KIAA0825: variants seen among roughly 807,000 people sequenced by gnomAD.
The protein encoded by KIAA0825 is uncharacterized protein KIAA0825.
In KIAA0825, 119 loss-of-function variants were observed where a neutral mutation model predicts 147.6. The observed-to-expected ratio is 0.81, with a 90% CI of 0.69 to 0.94. The LOEUF (loss-of-function observed/expected upper bound fraction) is 0.94, where lower values mean the gene tolerates loss of function less well. Ranked by LOEUF, KIAA0825 falls within the 40% of genes least tolerant of loss-of-function variation. The pLI, the probability that KIAA0825 is intolerant of heterozygous loss-of-function variation, is 0.00. For missense variants in KIAA0825, 1,381 were observed against 1,472.7 expected (o/e 0.94, Z 1.02); for synonymous variants, 470 against 518.1 (o/e 0.91, Z 1.26).
At chr5:94,496,464 G>C (rs1232274958) in intron 5 of KIAA0825, among the ~76,000 whole-genome samples, 1 of 152,156 alleles carries the variant, frequency 6.6e-6, no homozygotes, top group Non-Finnish European at 1.5e-5. Flanking sequence ...ATGCAAAACA[G>C]AGAACAGTTA....
In KIAA0825 at chr5:94,151,423, C is replaced by CAAAA. The variant is rs11363132; in HGVS notation, c.*2580_*2583dup. On this transcript the variant is annotated 3_prime_UTR_variant, in exon 21 of 21. Coordinates refer to ENST00000682413, the MANE Select transcript of KIAA0825 (RefSeq NM_001145678.3). ...TGGGCGACAGAGCGAGACTCCGTCT[C>CAAAA]AAAAAAAAAAAAAAAAAAAAAAAAA... Among the ~76,000 whole-genome samples, 7 of 21,544 alleles carry CAAAA rather than the reference C, an allele frequency of 3.2e-4. No individual in the cohort carries two copies. Among genetic ancestry groups the CAAAA allele is most frequent in the African/African-American group, 4.6e-4 (3 of 6,468 alleles). The allele number at this position is 21,544 out of a possible 152,430, so 14.1% of individuals were successfully genotyped here. A position where few individuals can be genotyped will look rare whatever the true frequency, so the allele number is the denominator to read the frequency against.
In KIAA0825 at chr5:94,151,535, T is replaced by C. The variant is rs1020601127; in HGVS notation, c.*2472A>G. ...TCAATTATAAACTTTATTGCACTTATGGCTATAATAATTTCACTGAACAAG... is the reference window on the plus strand; with the variant it reads ...TCAATTATAAACTTTATTGCACTTACGGCTATAATAATTTCACTGAACAAG... On this transcript the variant is annotated 3_prime_UTR_variant, in exon 21 of 21. Transcript: ENST00000682413. Among the ~76,000 whole-genome samples the C allele has an allele frequency of 2.6e-5, 4 of 151,620 alleles. No individual in the cohort carries two copies. The highest frequency in any genetic ancestry group is 9.7e-5 in the African/African-American group (4 of 41,282).
Position 94,520,900 on chromosome 5 carries a change from A to G in KIAA0825, c.318T>C (p.Asn106=). Residue 106 remains asparagine (N), a synonymous_variant, in exon 5 of 21, where the codon AAT becomes AAC. Coordinates refer to ENST00000682413, the MANE Select transcript of KIAA0825 (RefSeq NM_001145678.3). ...FFKTLQDLLK[N]EQNQEEMTLD... is the part of the protein sequence containing the mutation. Reference sequence around the variant, plus strand: ...ATGTCATTTCTTCTTGATTTTGTTCATTCTTCAACAAATCTTGCTAATGAA... The same window carrying G: ...ATGTCATTTCTTCTTGATTTTGTTCGTTCTTCAACAAATCTTGCTAATGAA... 1 of 1,592,712 alleles carries G rather than the reference A, an allele frequency of 6.3e-7. No homozygotes were observed. The highest frequency in any genetic ancestry group is 1.1e-5 in the South Asian group (1 of 89,606).
chr5:94,339,295 A>G (rs953730211), intron 20 of KIAA0825, among the ~76,000 whole-genome samples: 1 of 152,120 alleles, frequency 6.6e-6, no homozygotes, highest in African/African-American at 2.4e-5. Flanking sequence ...TTTAATTCCT[A>G]TGAATATTTT....
intron 1 of KIAA0825, among the ~76,000 whole-genome samples, chr5:94,608,964 A>T (rs1737656707): frequency 6.6e-6 from 1 of 152,172 alleles, no homozygotes; most frequent in South Asian, 2.1e-4. Context: ...ATATTATGTA[A>T]CAGAATTATG....
Position 94,154,738 on chromosome 5 carries a change from G to A in KIAA0825, c.3711-614C>T, listed in dbSNP as rs145506417. ...TAATTCTGGATGATTAAGCGATACA[G>A]AATAAAATCTTAGACTCTCAACCTA... On this transcript the variant is annotated intron_variant, in intron 20 of 20. Transcript: ENST00000682413. Among the ~76,000 whole-genome samples, 225 of 152,290 alleles carry A rather than the reference G, an allele frequency of 1.5e-3. 1 individual carries two copies. Among genetic ancestry groups the A allele is most frequent in the African/African-American group, 4.9e-3 (204 of 41,562 alleles).
chr5:94,184,194 G>A (rs1769914840), intron 20 of KIAA0825, among the ~76,000 whole-genome samples: 1 of 152,240 alleles, frequency 6.6e-6, no homozygotes, highest in South Asian at 2.1e-4. Flanking sequence ...GTAGAGAAAC[G>A]ATTTTCCTAG....
intron 20 of KIAA0825, among the ~76,000 whole-genome samples, chr5:94,254,853 A>G (rs1336038199): frequency 6.6e-6 from 1 of 152,050 alleles, no homozygotes; most frequent in Non-Finnish European, 1.5e-5. Context: ...AGACACAGTA[A>G]TATGTCACTA....
intron 6 of KIAA0825, among the ~76,000 whole-genome samples, chr5:94,480,059 T>C (rs1242766163): frequency 1.3e-5 from 2 of 152,118 alleles, no homozygotes; most frequent in African/African-American, 4.8e-5. Flanking sequence ...TTTCTGATCA[T>C]GCCTGTTTAT....
At chr5:94,530,252 C>T (rs1489103103) in intron 3 of KIAA0825, among the ~76,000 whole-genome samples, 2 of 108,088 alleles carry the variant, frequency 1.9e-5, no homozygotes, top group East Asian at 2.7e-4. Context: ...GCCTGGGCAA[C>T]GAGAGTAAAA....
chr5:94,160,423 T>G (rs1334364387), intron 20 of KIAA0825, among the ~76,000 whole-genome samples: 1 of 150,098 alleles, frequency 6.7e-6, no homozygotes, highest in Admixed American at 6.7e-5. Flanking sequence ...AGTATACATA[T>G]GTATACAGTA....
rs1433793562 is a variant in KIAA0825 at position 94,396,137 on chromosome 5, C to T, written c.3260G>A (p.Arg1087His). Residue 1087 changes from arginine (R) to histidine (H), a missense_variant, in exon 17 of 21, where the codon CGT becomes CAT. By Grantham distance (29) the Arg-to-His change is conservative (BLOSUM62 0). Transcript: ENST00000682413. The stretch of plus-strand genomic sequence containing the variant: ...CAGTTTCCTTGCTTTCAACAATTGA[C>T]GTTCAATCCAGTTGGGCTTCTGCTG... ...IEQQKPNWIE[R>H]QLLKARKLST... The T allele has an allele frequency of 6.6e-6, 10 of 1,508,378 alleles. No individual in the cohort carries two copies. Among genetic ancestry groups the T allele is most frequent in the Non-Finnish European group, 8.9e-6 (10 of 1,129,334 alleles). The allele number at this position is 1,508,378 out of a possible 1,614,324, so 93.4% of individuals were successfully genotyped here.
intron 20 of KIAA0825, among the ~76,000 whole-genome samples, chr5:94,373,765 T>A (rs934054719): frequency 2.6e-5 from 4 of 152,172 alleles, no homozygotes; most frequent in Non-Finnish European, 4.4e-5. Context: ...CTACATAAAA[T>A]GAAGAATATT....
chr5:94,365,329 T>TA (rs1340799484), intron 20 of KIAA0825, among the ~76,000 whole-genome samples: 1 of 152,182 alleles, frequency 6.6e-6, no homozygotes, highest in Non-Finnish European at 1.5e-5. Context: ...CCCGAGTATT[T>TA]ACCCCAGACA....
At chr5:94,444,126 T>C (rs1562502467) in intron 13 of KIAA0825, among the ~76,000 whole-genome samples, 2 of 152,102 alleles carry the variant, frequency 1.3e-5, no homozygotes, top group African/African-American at 4.8e-5. Context: ...CCACCAAAGA[T>C]TGTGATAATC....
chr5:94,186,231 TGTGA>T (rs1275817533), intron 20 of KIAA0825, among the ~76,000 whole-genome samples: 1 of 152,210 alleles, frequency 6.6e-6, no homozygotes, highest in Non-Finnish European at 1.5e-5. Flanking sequence ...GTTAAGGAAT[TGTGA>T]GTATTTTATT....
chr5:94,602,588 G>A (rs1786698820), intron 1 of KIAA0825, among the ~76,000 whole-genome samples: 3 of 152,122 alleles, frequency 2.0e-5, no homozygotes, highest in African/African-American at 7.2e-5. Context: ...TCTCATGATA[G>A]TGAGTGAGTT....
At chr5:94,369,825 GAATC>G (rs775745069) in intron 20 of KIAA0825, among the ~76,000 whole-genome samples, 2 of 152,086 alleles carry the variant, frequency 1.3e-5, no homozygotes, top group Non-Finnish European at 2.9e-5. Context: ...AGGGGAAAAA[GAATC>G]AGTCTGGCAT....
intron 10 of KIAA0825, 103 bp downstream of exon 10, chr5:94,469,858 G>T: frequency 1.2e-6 from 1 of 835,394 alleles, no homozygotes; most frequent in South Asian, 2.8e-5. Flanking sequence ...AACAGCCTTC[G>T]GGTATTAGTA....
Sources: gnomAD v4.1 joint callset for allele counts (sites outside exome capture counted in the v4.1 genomes callset) on GRCh38, gnomAD v4.1.1 for gene constraint, MANE v1.5 for transcripts, NCBI Gene and HGNC (gene_info 2026-07-23, HGNC 2026-07-21) for gene names.